The following ARF3 variants were observed in gnomAD, a reference collection of about 807,000 sequenced individuals.
ARF3 encodes ARF GTPase 3.
ARF3 carries 5 observed loss-of-function variants against 19.3 expected under a neutral mutation model. The observed-to-expected ratio is 0.26, with a 90% CI of 0.14 to 0.54. The LOEUF is 0.54. Among genes scored for constraint, ARF3 ranks in the 20% least tolerant of loss-of-function variants. The pLI, the probability that ARF3 is intolerant of heterozygous loss-of-function variation, is 0.95. For synonymous variants in ARF3, 71 were observed against 89.2 expected, an observed-to-expected ratio of 0.80 and a Z score of 1.15; for missense variants, 77 against 234.2, an observed-to-expected ratio of 0.33 and a Z score of 4.38.
intron 1 of ARF3, among the ~76,000 whole-genome samples, chr12:48,942,009 C>T (rs1940267365): frequency 6.6e-6 from 1 of 152,174 alleles, no homozygotes; most frequent in Admixed American, 6.5e-5. Flanking sequence ...AGCCTTTCGG[C>T]CTATTCTCCA....
chr12:48,939,977 C>T lies in ARF3; in HGVS notation c.259+20G>A, dbSNP rs778200654. The T allele has an allele frequency of 9.9e-6, 16 of 1,611,150 alleles. No homozygotes were observed. Among genetic ancestry groups the T allele is most frequent in the Non-Finnish European group, 4.2e-6 (5 of 1,177,402 alleles). On this transcript the variant is annotated intron_variant, in intron 3 of 4. Transcript: ENST00000256682. The surrounding 1 kb of genome is among the most constrained non-coding windows in gnomAD (Gnocchi z 4.8). ...ACTCTCTGCTCATACCCAACCAACC[C>T]ACGCTAGGCCTGAGCATACCTTGGG...
intron 1 of ARF3, among the ~76,000 whole-genome samples, chr12:48,943,648 G>A (rs1223927823): frequency 6.6e-6 from 1 of 152,178 alleles, no homozygotes; most frequent in Admixed American, 6.5e-5. Flanking sequence ...GCAAATTCCA[G>A]ACTAGTGCAA....
At chr12:48,950,508 TA>T (rs1259920209) in intron 1 of ARF3, among the ~76,000 whole-genome samples, 1 of 152,168 alleles carries the variant, frequency 6.6e-6, no homozygotes, top group Non-Finnish European at 1.5e-5. Context: ...TTTTAAATCA[TA>T]GTAAAATATA....
At chr12:48,941,835 A>G (rs1173794330) in intron 1 of ARF3, among the ~76,000 whole-genome samples, 1 of 152,206 alleles carries the variant, frequency 6.6e-6, no homozygotes, top group Non-Finnish European at 1.5e-5. Context: ...GCCCTGTTCA[A>G]ACAACAGTGC....
intron 1 of ARF3, among the ~76,000 whole-genome samples, chr12:48,955,323 C>A (rs908979103): frequency 4.1e-4 from 62 of 152,250 alleles, no homozygotes; most frequent in Admixed American, 3.5e-3. Context: ...ATATATTGGT[C>A]CCTCCTCCAA....
Position 48,937,185 on chromosome 12 carries a change from A to G in ARF3, c.*1762T>C, listed in dbSNP as rs1940160673. On this transcript the variant is annotated 3_prime_UTR_variant, in exon 5 of 5. Transcript: ENST00000256682. Reference sequence around the variant, plus strand: ...CAGTTCAATCTTGGATGGGGTTACTAATATTGATCCATCTGCTATCAACAA... The same window carrying G: ...CAGTTCAATCTTGGATGGGGTTACTGATATTGATCCATCTGCTATCAACAA... 1 of 152,274 alleles carries G rather than the reference A, an allele frequency of 6.6e-6. No homozygotes were observed. Among genetic ancestry groups the G allele is most frequent in the Non-Finnish European group, 1.5e-5 (1 of 68,040 alleles). The allele number at this position is 152,274 out of a possible 1,614,324, so 9.4% of individuals were successfully genotyped here.
In ARF3 at chr12:48,939,976, C is replaced by T; in HGVS notation, c.259+21G>A. The T allele has an allele frequency of 6.2e-7, 1 of 1,610,828 alleles. No individual in the cohort carries two copies. The highest frequency in any genetic ancestry group is 8.5e-7 in the Non-Finnish European group (1 of 1,177,024). The stretch of plus-strand genomic sequence containing the variant: ...CACTCTCTGCTCATACCCAACCAAC[C>T]CACGCTAGGCCTGAGCATACCTTGG... On this transcript the variant is annotated intron_variant, in intron 3 of 4. Coordinates refer to ENST00000256682, the MANE Select transcript of ARF3 (RefSeq NM_001659.3). This position sits in a 1 kb window ranked among gnomAD's most constrained non-coding sequence, Gnocchi z 4.8.
rs149857252 is a variant in ARF3 at position 48,950,606 on chromosome 12, T to C, written c.-94+6704A>G. ...CACACTGTAGTGTAACTATCACAACTATTCATCACCTCAACTTTTTAATCT... is the reference window on the plus strand; with the variant it reads ...CACACTGTAGTGTAACTATCACAACCATTCATCACCTCAACTTTTTAATCT... On this transcript the variant is annotated intron_variant, in intron 1 of 4. Transcript: ENST00000256682. Among the ~76,000 whole-genome samples the C allele has an allele frequency of 2.6e-5, 4 of 152,250 alleles. No homozygotes were observed. The East Asian group carries it at 7.7e-4, about 29-fold the overall frequency.
intron 1 of ARF3, chr12:48,952,979 C>T (rs1035950553): frequency 5.3e-5 from 8 of 152,210 alleles, no homozygotes; most frequent in African/African-American, 1.9e-4. Context: ...TCAAGTCTCA[C>T]TATTACCATT....
chr12:48,952,688 C>T (rs1940490755), intron 1 of ARF3, among the ~76,000 whole-genome samples: 1 of 152,194 alleles, frequency 6.6e-6, no homozygotes. Flanking sequence ...ATGATGTGGA[C>T]AAGGCCAACC....
At chr12:48,944,881 G>C (rs956507074) in intron 1 of ARF3, among the ~76,000 whole-genome samples, 12 of 152,228 alleles carry the variant, frequency 7.9e-5, no homozygotes, top group African/African-American at 2.4e-4. Flanking sequence ...CAGGCATGGT[G>C]GCTCATGCCT....
rs141853449 is a variant in ARF3, at chr12:48,940,064, T to G, written c.192A>C (p.Thr64=). The part of the protein sequence containing the change: ...ETVEYKNISF[T]VWDVGGQDKI... ...TGTCCTGGCCACCCACATCCCACACTGTAAAGCTGATGTTCTTATACTCCA... is the reference window on the plus strand; with the variant it reads ...TGTCCTGGCCACCCACATCCCACACGGTAAAGCTGATGTTCTTATACTCCA... The change falls in exon 3 of 5, where the codon ACA becomes ACC. Residue 64 remains threonine (T), a synonymous_variant. Coordinates refer to ENST00000256682, the MANE Select transcript of ARF3 (RefSeq NM_001659.3). The G allele has an allele frequency of 6.2e-6, 10 of 1,614,134 alleles. No individual in the cohort carries two copies. The South Asian group carries it at 1.1e-4, about 18-fold the overall frequency.
chr12:48,949,811 C>T (rs545713016), intron 1 of ARF3, among the ~76,000 whole-genome samples: 2 of 152,156 alleles, frequency 1.3e-5, no homozygotes, highest in Non-Finnish European at 2.9e-5. Context: ...TCCCAAAGTA[C>T]TGAGATGACA....
rs61942168 is a variant in ARF3, at chr12:48,939,486, T to C, written c.384+169A>G. Among the ~76,000 whole-genome samples, 1,975 of 152,190 alleles carry C rather than the reference T, an allele frequency of 0.013. 28 individuals carry two copies. Among genetic ancestry groups the C allele is most frequent in the Non-Finnish European group, 0.018 (1,222 of 68,000 alleles). On this transcript the variant is annotated intron_variant, in intron 4 of 4. Transcript: ENST00000256682. The surrounding 1 kb of genome is among the most constrained non-coding windows in gnomAD (Gnocchi z 4.8). The stretch of plus-strand genomic sequence containing the variant: ...GGACTGAAATGTTGCTAAATAAAGC[T>C]TGGGGTGGGGCACAAGAAGAGGGGC...
Position 48,943,533 on chromosome 12 carries a change from C to T in ARF3, c.-93-2345G>A, listed in dbSNP as rs112517462. Among the ~76,000 whole-genome samples the T allele has an allele frequency of 6.7e-3, 1,021 of 152,182 alleles. 6 individuals are homozygous for T. Among genetic ancestry groups the T allele is most frequent in the African/African-American group, 0.023 (972 of 41,518 alleles). On this transcript the variant is annotated intron_variant, in intron 1 of 4. Coordinates refer to ENST00000256682, the MANE Select transcript of ARF3 (RefSeq NM_001659.3). ...CAAACCCAAGAATGTGAAAGGTGGA[C>T]GGGGAGGAATCCTATTTACAAGCTA...
intron 2 of ARF3, 109 bp from the exon 3 acceptor site, chr12:48,940,216 C>G (rs1358536526): frequency 3.4e-6 from 3 of 877,360 alleles, no homozygotes; most frequent in Non-Finnish European, 5.6e-6. Flanking sequence ...ATAACACCAA[C>G]AATGGAACAA....
At chr12:48,942,774 G>C (rs997352319) in intron 1 of ARF3, among the ~76,000 whole-genome samples, 3 of 152,192 alleles carry the variant, frequency 2.0e-5, no homozygotes, top group African/African-American at 7.2e-5. Context: ...AGCTCACTCA[G>C]ACTGGATGCT....
At chr12:48,956,372 T>C (rs1379040350) in intron 1 of ARF3, 1 of 152,288 alleles carries the variant, frequency 6.6e-6, no homozygotes, top group Non-Finnish European at 1.5e-5. Flanking sequence ...GAGACCCGCC[T>C]TAATGCAATC....
In ARF3 at chr12:48,938,902, G is replaced by T. The variant is rs768204527; in HGVS notation, c.*45C>A. The stretch of plus-strand genomic sequence containing the variant: ...TAGGACTGGGGCAGGGTGACAGTAG[G>T]TATGTCAGGGGTGGGTGGGGTGCTT... On this transcript the variant is annotated 3_prime_UTR_variant, in exon 5 of 5. Coordinates refer to ENST00000256682, the MANE Select transcript of ARF3 (RefSeq NM_001659.3). The T allele has an allele frequency of 6.3e-7, 1 of 1,593,792 alleles. No individual in the cohort carries two copies. The highest frequency in any genetic ancestry group is 1.1e-5 in the South Asian group (1 of 88,448).
Sources: allele counts gnomAD v4.1 joint callset (sites outside exome capture counted in the v4.1 genomes callset), GRCh38; gene constraint gnomAD v4.1.1; non-coding constraint Gnocchi (gnomAD v3.1); transcripts MANE v1.5; gene names NCBI Gene and HGNC (gene_info 2026-07-23, HGNC 2026-07-21).